The following CACNA1D variants were observed in gnomAD, a reference collection of about 807,000 sequenced individuals.
CACNA1D encodes calcium voltage-gated channel subunit alpha1 D.
A neutral mutation model predicts 257.1 loss-of-function variants in CACNA1D; 55 were observed. That is an observed-to-expected ratio of 0.21 (90% CI 0.17 to 0.27). The LOEUF (loss-of-function observed/expected upper bound fraction) is 0.27, where lower values mean the gene tolerates loss of function less well. Ranked by LOEUF, CACNA1D falls within the 10% of genes least tolerant of loss-of-function variation. The pLI, the probability that CACNA1D is intolerant of heterozygous loss-of-function variation, is 1.00. For synonymous variants in CACNA1D, 980 were observed against 1,014.9 expected (o/e 0.97, Z 0.65); for missense variants, 1,876 against 2,784.0 (o/e 0.67, Z 7.34).
chr3:53,497,302 C>T lies in CACNA1D; in HGVS notation c.218C>T (p.Ala73Val). ...GCTGCCCAAACTATGAGCACCTCTG[C>T]ACCCCCACCTGTAGGATCTCTCTCC... ...AKAAQTMSTS[A>V]PPPVGSLSQR... Residue 73 changes from alanine to valine, a missense_variant, in exon 2 of 48, where the codon GCA (alanine) becomes GTA (valine). Ala to Val is a moderately conservative substitution (Grantham distance 64). Around this residue, in one of 10 missense-constraint regions of CACNA1D, gnomAD observed 143 missense variants for 168.7 expected, o/e 0.85. Coordinates refer to ENST00000350061, the MANE Select transcript of CACNA1D (RefSeq NM_001128840.3). The T allele has an allele frequency of 2.5e-6, 4 of 1,614,156 alleles. No homozygotes were observed. Among genetic ancestry groups the T allele is most frequent in the Non-Finnish European group, 3.4e-6 (4 of 1,180,038 alleles).
chr3:53,616,241 C>A (rs2093635095), intron 3 of CACNA1D, among the ~76,000 whole-genome samples: 1 of 152,166 alleles, frequency 6.6e-6, no homozygotes, highest in Non-Finnish European at 1.5e-5. Context: ...CAGCGTTCGA[C>A]TTTGAACCTA....
chr3:53,622,639 G>A (rs571715595), intron 3 of CACNA1D, among the ~76,000 whole-genome samples: 4 of 152,168 alleles, frequency 2.6e-5, no homozygotes, highest in South Asian at 2.1e-4. Context: ...GGTAGGGGGC[G>A]GGAGAGGATC....
chr3:53,599,573 G>C (rs563106737), intron 3 of CACNA1D, among the ~76,000 whole-genome samples: 5 of 152,100 alleles, frequency 3.3e-5, no homozygotes, highest in African/African-American at 7.2e-5. Context: ...AACAAGCTGT[G>C]AGACCCTGAC....
chr3:53,530,172 C>T (rs1437796299), intron 3 of CACNA1D: 1 of 152,116 alleles, frequency 6.6e-6, no homozygotes, highest in Non-Finnish European at 1.5e-5. Flanking sequence ...TAGAAGAAAA[C>T]GAAGCATCAA....
At chr3:53,717,424 A>G (rs1303210997) in intron 9 of CACNA1D, among the ~76,000 whole-genome samples, 1 of 152,048 alleles carries the variant, frequency 6.6e-6, no homozygotes, top group Non-Finnish European at 1.5e-5. Flanking sequence ...CGTGATGTTT[A>G]TGGGGTTGAA....
intron 43 of CACNA1D, among the ~76,000 whole-genome samples, chr3:53,802,817 G>A (rs1414307971): frequency 2.0e-5 from 3 of 152,198 alleles, no homozygotes; most frequent in Non-Finnish European, 4.4e-5. Context: ...ACATCACCAC[G>A]TCCTTCTCTG....
At chr3:53,788,113 G>A (rs1177256158) in intron 40 of CACNA1D, among the ~76,000 whole-genome samples, 2 of 151,746 alleles carry the variant, frequency 1.3e-5, no homozygotes, top group Admixed American at 6.6e-5. Flanking sequence ...GAGAGAATAT[G>A]AATATGAATA....
chr3:53,631,583 A>G (rs1029428154), intron 3 of CACNA1D, among the ~76,000 whole-genome samples: 3 of 152,232 alleles, frequency 2.0e-5, no homozygotes, highest in South Asian at 2.1e-4. Flanking sequence ...TGAATCACAA[A>G]TGTTCTTAAT....
chr3:53,748,904 C>T (rs1011410595), intron 26 of CACNA1D, among the ~76,000 whole-genome samples: 6 of 152,258 alleles, frequency 3.9e-5, no homozygotes, highest in Non-Finnish European at 8.8e-5. Context: ...TTTGGAACTA[C>T]TCTGGTTGGT....
chr3:53,653,112 G>T (rs1364978191), intron 4 of CACNA1D, among the ~76,000 whole-genome samples: 1 of 152,182 alleles, frequency 6.6e-6, no homozygotes, highest in African/African-American at 2.4e-5. Context: ...TTATCTGGGT[G>T]TGGTGGCGCA....
chr3:53,760,736 G>A (rs982753490), intron 29 of CACNA1D, among the ~76,000 whole-genome samples: 1 of 152,336 alleles, frequency 6.6e-6, no homozygotes, highest in South Asian at 2.1e-4. Context: ...TGGGGATGTT[G>A]TACCCTCAAA....
intron 9 of CACNA1D, among the ~76,000 whole-genome samples, chr3:53,717,536 C>A (rs189323830): frequency 6.6e-6 from 1 of 152,320 alleles, no homozygotes; most frequent in East Asian, 1.9e-4. Flanking sequence ...CCTCTACTTC[C>A]GCTCAGGATC....
At chr3:53,747,526 C>T (rs1313354480) in intron 26 of CACNA1D, 78 bp downstream of exon 26, 4 of 1,438,588 alleles carry the variant, frequency 2.8e-6, no homozygotes, top group Non-Finnish European at 3.9e-6. Context: ...GGAGTCAGTC[C>T]CATTTCTGTT....
intron 9 of CACNA1D, among the ~76,000 whole-genome samples, chr3:53,706,438 A>G (rs948143449): frequency 6.6e-6 from 1 of 152,206 alleles, no homozygotes; most frequent in African/African-American, 2.4e-5. Context: ...GGACTTTAGT[A>G]TTAGGCAAAT....
At chr3:53,742,502 A>T (rs2095127692) in intron 21 of CACNA1D, among the ~76,000 whole-genome samples, 1 of 152,206 alleles carries the variant, frequency 6.6e-6, no homozygotes. Flanking sequence ...TGGATGCGTC[A>T]TTAAAGACCA....
intron 38 of CACNA1D, among the ~76,000 whole-genome samples, chr3:53,780,995 C>A (rs1049399211): frequency 6.6e-6 from 1 of 152,260 alleles, no homozygotes; most frequent in Non-Finnish European, 1.5e-5. Flanking sequence ...CGCCTTGTAG[C>A]ATGCTTGTCT....
At chr3:53,801,021 G>C in intron 41 of CACNA1D, 37 bp from the exon 42 acceptor site, 3 of 1,611,324 alleles carry the variant, frequency 1.9e-6, no homozygotes, top group Non-Finnish European at 2.5e-6. Context: ...TCAAATACTT[G>C]TTAAATTACC....
At chr3:53,621,063 C>T (rs141774702) in intron 3 of CACNA1D, among the ~76,000 whole-genome samples, 1 of 152,332 alleles carries the variant, frequency 6.6e-6, no homozygotes, top group Non-Finnish European at 1.5e-5. Flanking sequence ...TCCTTTTGTG[C>T]AGCCCCTTCC....
intron 8 of CACNA1D, among the ~76,000 whole-genome samples, chr3:53,681,034 C>A (rs530821781): frequency 6.6e-6 from 1 of 152,298 alleles, no homozygotes; most frequent in South Asian, 2.1e-4. Flanking sequence ...TAAGTATTCT[C>A]CACCCATATG....
Sources: gnomAD v4.1 joint callset for allele counts (sites outside exome capture counted in the v4.1 genomes callset) on GRCh38, gnomAD v4.1.1 for gene constraint, gnomAD v4.1.1 regional missense constraint, MANE v1.5 for transcripts, NCBI Gene and HGNC (gene_info 2026-07-23, HGNC 2026-07-21) for gene names.